The following BCAS1 variants were observed in gnomAD, a reference collection of about 807,000 sequenced individuals.
The protein encoded by BCAS1 is brain enriched myelin associated protein 1, also known as breast carcinoma-amplified sequence 1.
Under a neutral mutation model 65.4 loss-of-function variants are expected in BCAS1, and 46 were observed. The observed-to-expected ratio is 0.70, with a 90% CI of 0.55 to 0.90. The LOEUF (loss-of-function observed/expected upper bound fraction) is 0.90. BCAS1 is among the 40% of genes least tolerant of loss of function. The pLI, the probability that BCAS1 is intolerant of heterozygous loss-of-function variation, is 0.00. For missense variants in BCAS1, 793 were observed against 771.2 expected (o/e 1.03, Z -0.33); for synonymous variants, 298 against 293.5 (o/e 1.02, Z -0.16).
chr20:54,042,264 A>G (rs1382103912), intron 3 of BCAS1, among the ~76,000 whole-genome samples: 5 of 151,156 alleles, frequency 3.3e-5, no homozygotes, highest in Non-Finnish European at 7.4e-5. Flanking sequence ...GGGAGGAGGA[A>G]GTCGATCAGA....
chr20:54,046,071 T>A (rs555466038), intron 3 of BCAS1, among the ~76,000 whole-genome samples: 32 of 152,344 alleles, frequency 2.1e-4, no homozygotes, highest in Non-Finnish European at 2.8e-4. Context: ...TTGCATTTAT[T>A]CATATATGTT....
intron 1 of BCAS1, among the ~76,000 whole-genome samples, chr20:54,069,467 A>G (rs1023410829): frequency 1.6e-4 from 25 of 152,150 alleles, no homozygotes; most frequent in African/African-American, 5.8e-4. Context: ...CATCCCTTAC[A>G]TTTCGTGCCC....
chr20:54,013,720 T>G (rs753937141), intron 4 of BCAS1, among the ~76,000 whole-genome samples: 60 of 152,216 alleles, frequency 3.9e-4, no homozygotes, highest in Admixed American at 7.9e-4. Flanking sequence ...GTTAAATAAC[T>G]CATGGTACAA....
chr20:54,069,586 A>T (rs2092489778), intron 1 of BCAS1, among the ~76,000 whole-genome samples: 1 of 152,206 alleles, frequency 6.6e-6, no homozygotes, highest in African/African-American at 2.4e-5. Context: ...CTCTTCACCC[A>T]GCTTCATGTT....
chr20:53,986,616 G>A (rs6022895), intron 7 of BCAS1, among the ~76,000 whole-genome samples: 6,931 of 152,174 alleles, frequency 0.046, 198 homozygotes, highest in South Asian at 0.076. Context: ...TGGGGTATGG[G>A]CCGGGTGTGG....
At chr20:53,983,875 C>G (rs1351901700) in intron 8 of BCAS1, among the ~76,000 whole-genome samples, 2 of 152,120 alleles carry the variant, frequency 1.3e-5, no homozygotes, top group East Asian at 3.9e-4. Flanking sequence ...CTCTCTGTAC[C>G]TAGCTCTGCC....
intron 1 of BCAS1, among the ~76,000 whole-genome samples, chr20:54,068,928 G>A (rs1460997792): frequency 6.6e-6 from 1 of 152,032 alleles, no homozygotes; most frequent in East Asian, 1.9e-4. Flanking sequence ...CTCTTGTCAT[G>A]GTAAAGCAGG....
intron 9 of BCAS1, among the ~76,000 whole-genome samples, chr20:53,970,893 GTGAT>G (rs1161604862): frequency 1.3e-5 from 2 of 151,670 alleles, no homozygotes; most frequent in African/African-American, 2.4e-5. Flanking sequence ...GACTTTTAAT[GTGAT>G]TGATTACAAA....
chr20:54,067,100 C>G (rs111407555), intron 1 of BCAS1, among the ~76,000 whole-genome samples: 1 of 152,178 alleles, frequency 6.6e-6, no homozygotes, highest in Non-Finnish European at 1.5e-5. Flanking sequence ...TTAGGCCGGG[C>G]GCTGTGGCTC....
rs926949401 is a variant in BCAS1 at position 53,966,770 on chromosome 20, A to G, written c.1485+136T>C. 1.3e-5 allele frequency: 10 copies of G among 787,148 alleles called. No homozygotes were observed. In the African/African-American group the frequency reaches 1.6e-4, roughly 13 times the overall value. 48.8% of individuals were successfully genotyped at this position (787,148 alleles called of 1,614,324 possible). ...AAGGAAGAAAGGGAATTTTCTCACT[A>G]TGCAATCCATATTCCATTCACATTC... On this transcript the variant is annotated intron_variant, in intron 10 of 12. Coordinates refer to ENST00000688948, the MANE Select transcript of BCAS1 (RefSeq NM_001366298.2).
intron 8 of BCAS1, 97 bp from the exon 9 acceptor site, chr20:53,975,527 G>A (rs1300798877): frequency 7.8e-6 from 7 of 894,970 alleles, no homozygotes; most frequent in Admixed American, 6.3e-5. Flanking sequence ...CAGTCTTGGG[G>A]TGCGTTCGGG....
intron 4 of BCAS1, among the ~76,000 whole-genome samples, chr20:54,002,584 T>C (rs549986589): frequency 6.6e-6 from 1 of 152,194 alleles, no homozygotes; most frequent in East Asian, 1.9e-4. Flanking sequence ...AAATCAGGTC[T>C]GAAAAGAAGT....
intron 4 of BCAS1, among the ~76,000 whole-genome samples, chr20:54,014,017 C>A (rs1413886312): frequency 1.3e-5 from 2 of 152,048 alleles, no homozygotes; most frequent in Non-Finnish European, 2.9e-5. Flanking sequence ...AAGACTAAAG[C>A]AAAATATGCA....
chr20:53,971,730 C>T (rs994267900), intron 9 of BCAS1, among the ~76,000 whole-genome samples: 6 of 152,174 alleles, frequency 3.9e-5, no homozygotes, highest in African/African-American at 1.4e-4. Flanking sequence ...CTTTCTAATC[C>T]AGGTTGAATT....
At chr20:53,957,632 AACAT>A in intron 10 of BCAS1, 135 bp from the exon 11 acceptor site, 1 of 745,452 alleles carries the variant, frequency 1.3e-6, no homozygotes, top group South Asian at 1.6e-5. Context: ...GCCAACTGGA[AACAT>A]GTTACTCATT....
At chr20:53,972,165 G>C (rs151067710) in intron 9 of BCAS1, among the ~76,000 whole-genome samples, 10 of 152,326 alleles carry the variant, frequency 6.6e-5, no homozygotes, top group African/African-American at 2.4e-4. Flanking sequence ...TTAGCCAGAA[G>C]TCGTTATTTA....
intron 8 of BCAS1, among the ~76,000 whole-genome samples, chr20:53,978,604 A>G (rs1305390400): frequency 2.6e-5 from 4 of 152,224 alleles, no homozygotes; most frequent in African/African-American, 4.8e-5. Flanking sequence ...GCACTATGTA[A>G]AGGATTAAAT....
At chr20:54,070,212 A>C (rs1237073637) in intron 1 of BCAS1, among the ~76,000 whole-genome samples, 1 of 152,178 alleles carries the variant, frequency 6.6e-6, no homozygotes, top group Non-Finnish European at 1.5e-5. Flanking sequence ...CCACATTGTC[A>C]TTTGCTCCTT....
At chr20:54,027,443 C>T (rs62215570) in intron 4 of BCAS1, among the ~76,000 whole-genome samples, 6,684 of 152,258 alleles carry the variant, frequency 0.044, 197 homozygotes, top group Middle Eastern at 0.095. Context: ...ATTAGCACTT[C>T]GGAAGTGCAA....
Sources: gnomAD v4.1 joint callset for allele counts (sites outside exome capture counted in the v4.1 genomes callset) on GRCh38, gnomAD v4.1.1 for gene constraint, MANE v1.5 for transcripts, NCBI Gene and HGNC (gene_info 2026-07-23, HGNC 2026-07-21) for gene names.